The following TET2 variants were observed in gnomAD, a reference collection of about 807,000 sequenced individuals.
TET2 encodes tet methylcytosine dioxygenase 2.
A neutral mutation model predicts 142.9 loss-of-function variants in TET2; 299 were observed. The observed-to-expected ratio is 2.09, with a 90% CI of 1.90 to 2.30. The LOEUF (loss-of-function observed/expected upper bound fraction) is 2.30. Ranked by LOEUF, TET2 falls within the 30% of genes most tolerant of loss-of-function variation. The probability of loss-of-function intolerance (pLI) is 0.00; values close to 1 mark genes in which losing one functional copy is unlikely to be tolerated. For synonymous variants in TET2, 819 were observed against 849.0 expected (o/e 0.96, Z 0.61); for missense variants, 2,418 against 2,378.0 (o/e 1.02, Z -0.35).
At chr4:105,198,711 A>T (rs1726248181) in intron 2 of TET2, among the ~76,000 whole-genome samples, 1 of 152,168 alleles carries the variant, frequency 6.6e-6, no homozygotes, top group African/African-American at 2.4e-5. Context: ...TTTCCATACC[A>T]TGCAGGAACC....
At chr4:105,223,452 A>C (rs1421243075) in intron 2 of TET2, among the ~76,000 whole-genome samples, 1 of 152,156 alleles carries the variant, frequency 6.6e-6, no homozygotes, top group Non-Finnish European at 1.5e-5. Flanking sequence ...TTACCTCAAG[A>C]GTGAGACTTG....
intron 6 of TET2, among the ~76,000 whole-genome samples, chr4:105,250,506 C>T (rs1729819090): frequency 6.8e-6 from 1 of 147,054 alleles, no homozygotes; most frequent in Non-Finnish European, 1.5e-5. Flanking sequence ...GCTGGGGTTA[C>T]AGGCATGAGC....
intron 5 of TET2, among the ~76,000 whole-genome samples, 199 bp from the exon 6 acceptor site, chr4:105,243,371 G>A (rs1337437453): frequency 6.6e-6 from 1 of 152,134 alleles, no homozygotes; most frequent in African/African-American, 2.4e-5. Context: ...ATCTCTCCTT[G>A]TTCTGATACT....
intron 2 of TET2, among the ~76,000 whole-genome samples, chr4:105,214,466 C>G (rs995427979): frequency 6.9e-6 from 1 of 144,686 alleles, no homozygotes; most frequent in Non-Finnish European, 1.5e-5. Flanking sequence ...GCCACCACAC[C>G]TGGCATTTTT....
intron 2 of TET2, among the ~76,000 whole-genome samples, chr4:105,201,466 C>T (rs1477104763): frequency 6.6e-6 from 1 of 152,102 alleles, no homozygotes; most frequent in South Asian, 2.1e-4. Flanking sequence ...GTTCCCATTT[C>T]AGTGCTCAAT....
At chr4:105,181,049 A>G (rs1386916400) in intron 1 of TET2, among the ~76,000 whole-genome samples, 7 of 152,196 alleles carry the variant, frequency 4.6e-5, no homozygotes, top group Non-Finnish European at 1.0e-4. Context: ...TGCCTCTATA[A>G]AACCAAGTTT....
At chr4:105,274,938 A>G (rs2110310462) in intron 10 of TET2, 110 bp from the exon 11 acceptor site, 4 of 1,357,434 alleles carry the variant, frequency 2.9e-6, no homozygotes, top group South Asian at 1.6e-5. Context: ...TGGGTGTCGT[A>G]TATCACTAGT....
intron 1 of TET2, among the ~76,000 whole-genome samples, chr4:105,184,756 C>T (rs563374975): frequency 6.6e-6 from 1 of 151,978 alleles, no homozygotes; most frequent in Non-Finnish European, 1.5e-5. Flanking sequence ...TGTGTGTACT[C>T]ATGTGTATAA....
At chr4:105,167,451 G>C (rs1055778099) in intron 1 of TET2, among the ~76,000 whole-genome samples, 1 of 151,752 alleles carries the variant, frequency 6.6e-6, no homozygotes, top group African/African-American at 2.4e-5. Context: ...TGTAGTATAT[G>C]TGTGTATGTA....
intron 1 of TET2, among the ~76,000 whole-genome samples, chr4:105,178,897 T>C (rs1274774958): frequency 1.3e-5 from 2 of 152,186 alleles, no homozygotes; most frequent in African/African-American, 2.4e-5. Flanking sequence ...GAGTAATTTA[T>C]AAAGGAAAGA....
intron 1 of TET2, among the ~76,000 whole-genome samples, chr4:105,155,418 C>T (rs1002431463): frequency 1.3e-5 from 2 of 152,236 alleles, no homozygotes; most frequent in African/African-American, 4.8e-5. Flanking sequence ...CTTTGCTACA[C>T]ATGGCTGCAA....
chr4:105,224,716 C>CTG (rs1686490888), intron 2 of TET2, among the ~76,000 whole-genome samples: 2 of 150,750 alleles, frequency 1.3e-5, no homozygotes, highest in South Asian at 4.2e-4. Flanking sequence ...CTCTCTCTCT[C>CTG]TCTCTCTCTC....
intron 1 of TET2, among the ~76,000 whole-genome samples, chr4:105,153,560 A>C (rs1467413917): frequency 6.6e-6 from 1 of 152,202 alleles, no homozygotes; most frequent in Non-Finnish European, 1.5e-5. Context: ...AGTCGATGTC[A>C]TTTAATTCTC....
intron 6 of TET2, among the ~76,000 whole-genome samples, chr4:105,253,360 C>T (rs757470506): frequency 6.6e-5 from 10 of 152,016 alleles, no homozygotes; most frequent in Non-Finnish European, 1.5e-4. Context: ...TAGAATTTTG[C>T]ATTTTCCCCA....
rs981623840 is a variant in TET2, at chr4:105,237,085, T to C, written c.3143T>C (p.Leu1048Pro). Residue 1048 changes from leucine to proline, a missense_variant, in exon 3 of 11, where the codon CTC becomes CCC. Leu to Pro is a moderately conservative substitution (Grantham distance 98). Transcript: ENST00000380013. Reference protein sequence around the residue: ...KSLFDHKALTLKSQKQVKVEM... With the variant: ...KSLFDHKALTPKSQKQVKVEM... The stretch of plus-strand genomic sequence containing the variant: ...TTATTTGACCATAAGGCTCTTACTC[T>C]CAAATCACAGAAGCAAGTAAAAGTT... 1 of 1,614,002 alleles carries C rather than the reference T, an allele frequency of 6.2e-7. No individual in the cohort carries two copies. The highest frequency in any genetic ancestry group is 8.5e-7 in the Non-Finnish European group (1 of 1,180,034).
At position 105,236,694 on chromosome 4, in the gene TET2, AG is replaced by A; in HGVS notation, c.2754del (p.Arg918SerfsTer3). On this transcript the variant is annotated frameshift_variant, in exon 3 of 11. Transcript: ENST00000380013. LOFTEE classifies it high-confidence loss of function. ...ACAAGCTGCGCAACTTGCTCAGCAAAGGTACTTGATACATAACCATGCAAAT... is the reference window on the plus strand; with the variant it reads ...ACAAGCTGCGCAACTTGCTCAGCAAAGTACTTGATACATAACCATGCAAAT... ...GQQAAQLAQQ[R>X]YLIHNHANVF... The A allele has an allele frequency of 6.2e-7, 1 of 1,614,140 alleles. No homozygotes were observed. The highest frequency in any genetic ancestry group is 8.5e-7 in the Non-Finnish European group (1 of 1,180,020).
intron 1 of TET2, among the ~76,000 whole-genome samples, chr4:105,158,665 T>G (rs1723682247): frequency 6.6e-6 from 1 of 152,148 alleles, no homozygotes; most frequent in African/African-American, 2.4e-5. Flanking sequence ...CAGGAATAAG[T>G]CCTGCAAATA....
At chr4:105,248,490 T>C (rs896634343) in intron 6 of TET2, among the ~76,000 whole-genome samples, 2 of 152,232 alleles carry the variant, frequency 1.3e-5, no homozygotes, top group Non-Finnish European at 2.9e-5. Flanking sequence ...TTGCCCTTTA[T>C]ATCATTTACC....
chr4:105,183,183 C>T (rs1334879986), intron 1 of TET2, among the ~76,000 whole-genome samples: 4 of 152,046 alleles, frequency 2.6e-5, no homozygotes, highest in Admixed American at 2.6e-4. Flanking sequence ...CTAAGAGAAC[C>T]ATGGTAGTAG....
Sources: gnomAD v4.1 joint callset for allele counts (sites outside exome capture counted in the v4.1 genomes callset) on GRCh38, gnomAD v4.1.1 for gene constraint, MANE v1.5 for transcripts, NCBI Gene and HGNC (gene_info 2026-07-23, HGNC 2026-07-21) for gene names.